CLGN: variants seen among roughly 807,000 people sequenced by gnomAD.
The protein encoded by CLGN is testis tissue sperm-binding protein Li 79P.
Under a neutral mutation model 79.1 loss-of-function variants are expected in CLGN, and 62 were observed. That is an observed-to-expected ratio of 0.78 (90% CI 0.64 to 0.97). The LOEUF is 0.97. CLGN is among the 50% of genes least tolerant of loss of function. CLGN has a pLI of 0.00. For missense variants in CLGN, 647 were observed against 715.5 expected (o/e 0.90, Z 1.09); for synonymous variants, 225 against 224.7 (o/e 1.00, Z -0.01).
At chr4:140,395,521 T>C (rs113001380) in intron 10 of CLGN, among the ~76,000 whole-genome samples, 15 of 152,324 alleles carry the variant, frequency 9.8e-5, no homozygotes, top group African/African-American at 3.6e-4. Context: ...AAATGTACAA[T>C]ATGAGTCTAT....
intron 1 of CLGN, among the ~76,000 whole-genome samples, chr4:140,414,676 G>A (rs1215819527): frequency 2.1e-5 from 3 of 145,350 alleles, no homozygotes; most frequent in Non-Finnish European, 3.0e-5. Flanking sequence ...AATGAGCAAA[G>A]CCTCCAAGAA....
chr4:140,424,247 T>G (rs563693490), intron 1 of CLGN, among the ~76,000 whole-genome samples: 2 of 152,338 alleles, frequency 1.3e-5, no homozygotes, highest in African/African-American at 4.8e-5. Context: ...TTTTTCTAAC[T>G]TTTCTTGAGA....
intron 5 of CLGN, among the ~76,000 whole-genome samples, chr4:140,402,806 G>T (rs568557830): frequency 6.6e-6 from 1 of 151,700 alleles, no homozygotes; most frequent in Non-Finnish European, 1.5e-5. Flanking sequence ...TTAAATTAAC[G>T]AATTATATGT....
rs1728951738 is a variant in CLGN, at chr4:140,399,185, A to G, written c.695-145T>C. 6.8e-6 allele frequency: 4 copies of G among 584,726 alleles called. No homozygotes were observed. The South Asian group carries it at 1.7e-4, about 25-fold the overall frequency. The allele number at this position is 584,726 out of a possible 1,614,324, so 36.2% of individuals were successfully genotyped here. A position where few individuals can be genotyped will look rare whatever the true frequency, so the allele number is the denominator to read the frequency against. On this transcript the variant is annotated intron_variant, in intron 7 of 14. Transcript: ENST00000325617. ...AGAGGAATAACCAATGTATTGAACT[A>G]AAACATTCTAAAATCACTAGATACA...
chr4:140,395,981 A>G lies in CLGN; in HGVS notation c.999-12T>C, dbSNP rs757407896. ...CCGTGTCTTCATTCCTTAGGATATT[A>G]AAACAAAGCAAATACAGTAACCTCA... On this transcript the variant is annotated splice_polypyrimidine_tract_variant and intron_variant, in intron 9 of 14. Transcript: ENST00000325617. 6.3e-7 allele frequency: 1 copy of G among 1,597,888 alleles called. No individual in the cohort carries two copies. The highest frequency in any genetic ancestry group is 1.3e-5 in the African/African-American group (1 of 74,302).
intron 1 of CLGN, among the ~76,000 whole-genome samples, chr4:140,422,901 G>T (rs1302042259): frequency 6.6e-6 from 1 of 152,174 alleles, no homozygotes. Flanking sequence ...ACAGGCATGA[G>T]CCACCATGCC....
At chr4:140,416,713 T>G (rs1467913386) in intron 1 of CLGN, among the ~76,000 whole-genome samples, 3 of 151,924 alleles carry the variant, frequency 2.0e-5, no homozygotes, top group Non-Finnish European at 4.4e-5. Flanking sequence ...AATCAATAGC[T>G]TACCAACCAA....
At chr4:140,415,326 A>G (rs1236167405) in intron 1 of CLGN, among the ~76,000 whole-genome samples, 1 of 151,052 alleles carries the variant, frequency 6.6e-6, no homozygotes, top group Non-Finnish European at 1.5e-5. Context: ...CATCATAATG[A>G]CAGGATCAAA....
At chr4:140,407,149 C>T (rs1278985056) in intron 4 of CLGN, among the ~76,000 whole-genome samples, 1 of 151,956 alleles carries the variant, frequency 6.6e-6, no homozygotes, top group Non-Finnish European at 1.5e-5. Flanking sequence ...TTCCAAGTTT[C>T]TTTTCTTTCT....
intron 1 of CLGN, among the ~76,000 whole-genome samples, chr4:140,416,307 C>A (rs1578606796): frequency 1.2e-5 from 1 of 86,560 alleles, no homozygotes; most frequent in African/African-American, 4.8e-5. Context: ...AAAGCAAGAG[C>A]AAACACATTC....
chr4:140,422,823 C>T (rs1191794375), intron 1 of CLGN, among the ~76,000 whole-genome samples: 8 of 151,994 alleles, frequency 5.3e-5, no homozygotes, highest in East Asian at 1.9e-4. Context: ...TGCCATGTTG[C>T]GCAGGCTGGT....
At chr4:140,399,176 T>TTTTAGTTCAATAC in intron 7 of CLGN, 136 bp from the exon 8 acceptor site, 1 of 645,932 alleles carries the variant, frequency 1.5e-6, no homozygotes, top group Non-Finnish European at 2.4e-6. Context: ...ATAACCAATG[T>TTTTAGTTCAATAC]ATTGAACTAA....
At chr4:140,418,899 C>A (rs1729401768) in intron 1 of CLGN, among the ~76,000 whole-genome samples, 1 of 152,170 alleles carries the variant, frequency 6.6e-6, no homozygotes, top group Non-Finnish European at 1.5e-5. Context: ...AAGACTCATG[C>A]ACACGTATGT....
At position 140,394,059 on chromosome 4, in the gene CLGN, G is replaced by C. The variant is rs1032278528; in HGVS notation, c.1150-18C>G. 4 of 1,551,070 alleles carry C rather than the reference G, an allele frequency of 2.6e-6. No homozygotes were observed. Among genetic ancestry groups the C allele is most frequent in the Non-Finnish European group, 3.5e-6 (4 of 1,129,202 alleles). ...CAGATTCCCTGGAAGAAAAGTAATTGAAGACATTTTCAAATAAAATAACTT... is the reference window on the plus strand; with the variant it reads ...CAGATTCCCTGGAAGAAAAGTAATTCAAGACATTTTCAAATAAAATAACTT... On this transcript the variant is annotated intron_variant, in intron 10 of 14. Coordinates refer to ENST00000325617, the MANE Select transcript of CLGN (RefSeq NM_004362.3).
chr4:140,405,901 C>T (rs763487603), intron 5 of CLGN, 41 bp downstream of exon 5: 7 of 1,569,518 alleles, frequency 4.5e-6, no homozygotes, highest in Non-Finnish European at 6.0e-6. Context: ...AAAGCTAATA[C>T]AAAATTCAGA....
At chr4:140,412,439 A>G (rs1729231010) in intron 2 of CLGN, among the ~76,000 whole-genome samples, 1 of 152,178 alleles carries the variant, frequency 6.6e-6, no homozygotes, top group South Asian at 2.1e-4. Flanking sequence ...ACTTCAAAAT[A>G]TACATTTTAA....
At chr4:140,392,467 C>T (rs559584347) in intron 12 of CLGN, 89 bp from the exon 13 acceptor site, 1 of 1,479,660 alleles carries the variant, frequency 6.8e-7, no homozygotes, top group East Asian at 2.3e-5. Context: ...ACATAATGAA[C>T]TATCAGTAAA....
chr4:140,412,220 A>T (rs1729226937), intron 2 of CLGN, among the ~76,000 whole-genome samples: 1 of 152,168 alleles, frequency 6.6e-6, no homozygotes, highest in Admixed American at 6.5e-5. Flanking sequence ...AATAAGAGGA[A>T]ATGAAGTAAA....
chr4:140,417,468 A>G (rs1729365122), intron 1 of CLGN, among the ~76,000 whole-genome samples: 1 of 136,768 alleles, frequency 7.3e-6, no homozygotes, highest in Admixed American at 7.6e-5. Flanking sequence ...TCTCAGCCCA[A>G]AATCTCCTTA....
Sources: allele counts gnomAD v4.1 joint callset (sites outside exome capture counted in the v4.1 genomes callset), GRCh38; gene constraint gnomAD v4.1.1; transcripts MANE v1.5; gene names NCBI Gene and HGNC (gene_info 2026-07-23, HGNC 2026-07-21).